Variants in RIMS2 observed in about 807,000 individuals in gnomAD.
RIMS2 encodes regulating synaptic membrane exocytosis protein 2.
RIMS2 carries 59 observed loss-of-function variants against 174.4 expected under a neutral mutation model. That is an observed-to-expected ratio of 0.34 (90% CI 0.27 to 0.42). The LOEUF (loss-of-function observed/expected upper bound fraction) is 0.42, where lower values mean the gene tolerates loss of function less well. Among genes scored for constraint, RIMS2 ranks in the 10% least tolerant of loss-of-function variants. RIMS2 has a pLI of 1.00. For synonymous variants in RIMS2, 606 were observed against 572.5 expected (o/e 1.06, Z -0.84); for missense variants, 1,620 against 1,666.3 (o/e 0.97, Z 0.48).
chr8:103,757,040 A>G (rs1401493030), intron 2 of RIMS2, among the ~76,000 whole-genome samples: 1 of 149,320 alleles, frequency 6.7e-6, no homozygotes, highest in Non-Finnish European at 1.5e-5. Flanking sequence ...AGAGAGAGAT[A>G]CAGAGAGAGA....
intron 19 of RIMS2, among the ~76,000 whole-genome samples, chr8:104,147,291 A>G (rs2098649126): frequency 6.6e-6 from 1 of 151,450 alleles, no homozygotes. Flanking sequence ...GTTTCTGACT[A>G]TGTATGCCAC....
chr8:103,895,584 G>T (rs927900142), intron 4 of RIMS2, among the ~76,000 whole-genome samples: 23 of 151,562 alleles, frequency 1.5e-4, no homozygotes, highest in Middle Eastern at 3.4e-3. Flanking sequence ...CATGAATTTG[G>T]CAGGAGGGGC....
intron 1 of RIMS2, among the ~76,000 whole-genome samples, chr8:103,512,443 C>T (rs1012607408): frequency 6.6e-6 from 1 of 152,136 alleles, no homozygotes; most frequent in African/African-American, 2.4e-5. Flanking sequence ...CTCTTTGGGT[C>T]TCTACTCCAT....
intron 2 of RIMS2, among the ~76,000 whole-genome samples, chr8:103,712,566 A>G (rs2138026298): frequency 6.6e-6 from 1 of 152,310 alleles, no homozygotes; most frequent in Admixed American, 6.5e-5. Context: ...GTGAGTACCA[A>G]GTTAAATAGA....
intron 1 of RIMS2, among the ~76,000 whole-genome samples, chr8:103,634,319 T>C (rs2096019674): frequency 6.6e-6 from 1 of 152,230 alleles, no homozygotes; most frequent in African/African-American, 2.4e-5. Context: ...TTCCATGTAA[T>C]TGTATTGTTT....
chr8:104,170,622 T>C (rs2098826577), intron 19 of RIMS2, among the ~76,000 whole-genome samples: 1 of 152,110 alleles, frequency 6.6e-6, no homozygotes, highest in Non-Finnish European at 1.5e-5. Context: ...TACCATTCTG[T>C]ATCTTTTAAG....
At chr8:103,851,860 G>T (rs989150622) in intron 3 of RIMS2, among the ~76,000 whole-genome samples, 3 of 151,748 alleles carry the variant, frequency 2.0e-5, no homozygotes, top group Non-Finnish European at 4.4e-5. Flanking sequence ...ATATGAAAAT[G>T]AATTGCACTT....
chr8:103,910,492 G>A (rs762595906), intron 5 of RIMS2: 1 of 1,597,102 alleles, frequency 6.3e-7, no homozygotes, highest in Non-Finnish European at 8.5e-7. Flanking sequence ...ACGTGTAGTA[G>A]CACAACCCTT....
rs2099032159 is a variant in RIMS2, at chr8:103,857,101, G to A, written c.699-28197G>A. Among the ~76,000 whole-genome samples the A allele has an allele frequency of 2.6e-5, 4 of 152,082 alleles. No individual in the cohort carries two copies. The South Asian group carries it at 8.3e-4, about 31-fold the overall frequency. On this transcript the variant is annotated intron_variant, in intron 3 of 23. Coordinates refer to ENST00000504942, the Ensembl canonical transcript of RIMS2. ...TGCAACCTGTCTTCTTTAAAGTGTG[G>A]TAATAGCTGAGATACGGTGTTACAT...
chr8:104,117,389 C>G (rs1246405470), intron 19 of RIMS2, among the ~76,000 whole-genome samples: 1 of 151,244 alleles, frequency 6.6e-6, no homozygotes, highest in African/African-American at 2.4e-5. Context: ...AAATAAATTT[C>G]CTTTTTTTTT....
At chr8:104,138,155 T>C (rs2098537002) in intron 19 of RIMS2, among the ~76,000 whole-genome samples, 1 of 152,204 alleles carries the variant, frequency 6.6e-6, no homozygotes, top group Admixed American at 6.5e-5. Context: ...TAGTACTCCA[T>C]TGTATGTATG....
At chr8:103,860,584 A>G (rs1022813355) in intron 3 of RIMS2, among the ~76,000 whole-genome samples, 1 of 152,164 alleles carries the variant, frequency 6.6e-6, no homozygotes, top group Non-Finnish European at 1.5e-5. Context: ...CAAATAGTAC[A>G]TATTCAATAA....
exon 4 of RIMS2, chr8:103,885,894 G>C: frequency 6.2e-7 from 1 of 1,612,836 alleles, no homozygotes; most frequent in Non-Finnish European, 8.5e-7. Flanking sequence ...ACAAACCATA[G>C]TCCTCCTACC....
intron 3 of RIMS2, among the ~76,000 whole-genome samples, chr8:103,865,041 TC>T (rs754342142): frequency 3.9e-5 from 6 of 151,954 alleles, no homozygotes; most frequent in Non-Finnish European, 7.4e-5. Context: ...CCAAACTATT[TC>T]CCTTCATAGC....
At chr8:103,505,346 CAG>C (rs1279112172) in intron 1 of RIMS2, among the ~76,000 whole-genome samples, 2 of 152,038 alleles carry the variant, frequency 1.3e-5, no homozygotes, top group African/African-American at 4.8e-5. Context: ...AACGTAAAAA[CAG>C]AAATGTGTCC....
chr8:103,641,603 T>C (rs2096231872), intron 1 of RIMS2, among the ~76,000 whole-genome samples: 2 of 152,052 alleles, frequency 1.3e-5, no homozygotes, highest in African/African-American at 2.4e-5. Flanking sequence ...AGTATGGTAG[T>C]GTTGGGAAGT....
chr8:104,051,760 A>G (rs529407993), intron 19 of RIMS2, among the ~76,000 whole-genome samples: 1 of 152,300 alleles, frequency 6.6e-6, no homozygotes, highest in African/African-American at 2.4e-5. Flanking sequence ...GCCACCTACT[A>G]GTTATATGAC....
chr8:103,612,589 C>T (rs1412533900), intron 1 of RIMS2, among the ~76,000 whole-genome samples: 3 of 151,800 alleles, frequency 2.0e-5, no homozygotes, highest in Admixed American at 1.3e-4. Flanking sequence ...TTCTTTTTTT[C>T]CCCCCTCTAG....
chr8:103,940,041 T>C (rs188514453), intron 13 of RIMS2, among the ~76,000 whole-genome samples: 19 of 152,328 alleles, frequency 1.2e-4, no homozygotes, highest in African/African-American at 4.3e-4. Flanking sequence ...CCCTCCAAAC[T>C]GTTCCAACCC....
Sources: allele counts gnomAD v4.1 joint callset (sites outside exome capture counted in the v4.1 genomes callset), GRCh38; gene constraint gnomAD v4.1.1; transcripts MANE v1.5; gene names NCBI Gene and HGNC (gene_info 2026-07-23, HGNC 2026-07-21).